The following ZEB1 variants were observed in gnomAD, a reference collection of about 807,000 sequenced individuals.
The protein encoded by ZEB1 is zinc finger E-box-binding homeobox 1.
In ZEB1, 21 loss-of-function variants were observed where a neutral mutation model predicts 84.9. The observed-to-expected ratio is 0.25, with a 90% CI of 0.18 to 0.36. ZEB1 has a LOEUF of 0.36. ZEB1 is among the 10% of genes least tolerant of loss of function. The probability of loss-of-function intolerance (pLI) is 1.00; values close to 1 mark genes in which losing one functional copy is unlikely to be tolerated. For synonymous variants in ZEB1, 420 were observed against 471.1 expected, an observed-to-expected ratio of 0.89 and a Z score of 1.41; for missense variants, 1,104 against 1,330.2, an observed-to-expected ratio of 0.83 and a Z score of 2.65.
chr10:31,462,613 A>G (rs941019587), intron 2 of ZEB1, among the ~76,000 whole-genome samples: 4 of 152,192 alleles, frequency 2.6e-5, no homozygotes, highest in African/African-American at 4.8e-5. Flanking sequence ...GGCAACATAC[A>G]TGAAGCCACA....
intron 1 of ZEB1, among the ~76,000 whole-genome samples, chr10:31,390,436 T>C (rs2049422693): frequency 6.6e-6 from 1 of 152,178 alleles, no homozygotes; most frequent in Non-Finnish European, 1.5e-5. Context: ...ATGGCAAGGA[T>C]TTAGTCCATA....
At chr10:31,326,236 T>C (rs1009787500) in intron 1 of ZEB1, among the ~76,000 whole-genome samples, 1 of 151,824 alleles carries the variant, frequency 6.6e-6, no homozygotes, top group Non-Finnish European at 1.5e-5. Context: ...CTTCAAGGAG[T>C]AGATTTTCTG....
intron 1 of ZEB1, among the ~76,000 whole-genome samples, chr10:31,426,967 A>AGAAAT (rs111281304): frequency 0.25 from 37,753 of 151,840 alleles, 10,436 homozygotes; most frequent in African/African-American, 0.69. Flanking sequence ...TTGTAGGAAA[A>AGAAAT]AATTTCTTCT....
At chr10:31,410,116 G>T (rs1054860529) in intron 1 of ZEB1, among the ~76,000 whole-genome samples, 2 of 152,194 alleles carry the variant, frequency 1.3e-5, no homozygotes, top group African/African-American at 4.8e-5. Context: ...TCTAGCTTTT[G>T]CCCATTCAGC....
intron 6 of ZEB1, among the ~76,000 whole-genome samples, chr10:31,517,693 C>A (rs1048649598): frequency 2.6e-5 from 4 of 151,990 alleles, no homozygotes; most frequent in African/African-American, 9.7e-5. Flanking sequence ...GTGACTTTGG[C>A]TTTAGAATAA....
At chr10:31,417,114 A>G (rs973225576) in intron 1 of ZEB1, among the ~76,000 whole-genome samples, 66 of 152,114 alleles carry the variant, frequency 4.3e-4, no homozygotes, top group African/African-American at 1.4e-3. Flanking sequence ...CAATATTTGT[A>G]TATTTTCCAT....
chr10:31,473,744 A>G (rs1387109943), intron 2 of ZEB1, among the ~76,000 whole-genome samples: 2 of 150,678 alleles, frequency 1.3e-5, no homozygotes, highest in African/African-American at 4.9e-5. Context: ...AAGAGCCTGC[A>G]TCGCCAAGTC....
intron 7 of ZEB1, among the ~76,000 whole-genome samples, chr10:31,523,162 C>T (rs766017321): frequency 1.3e-4 from 20 of 152,268 alleles, no homozygotes; most frequent in Non-Finnish European, 2.1e-4. Flanking sequence ...GAGGCAATGG[C>T]GTGGAACACT....
At chr10:31,359,557 T>C (rs1280964210) in intron 1 of ZEB1, among the ~76,000 whole-genome samples, 1 of 152,154 alleles carries the variant, frequency 6.6e-6, no homozygotes, top group African/African-American at 2.4e-5. Flanking sequence ...TTAAGAACCT[T>C]ATACCTTTTG....
intron 1 of ZEB1, among the ~76,000 whole-genome samples, chr10:31,364,333 C>G (rs996059415): frequency 1.3e-5 from 2 of 151,982 alleles, no homozygotes; most frequent in African/African-American, 4.8e-5. Flanking sequence ...CCTGGATGGG[C>G]CCCCCTGTGG....
rs2072254486 is a variant in ZEB1, at chr10:31,521,153, A to G, written c.1821A>G (p.Pro607=). ...CATATTATGCTTTGAATGCACAACC[A>G]AGTGCAGAAGAGCTCTCAAAAATTG... The part of the protein sequence containing the change: ...LKAYYALNAQ[P]SAEELSKIAD... Residue 607 remains proline, a synonymous_variant, in exon 7 of 9, where the codon CCA becomes CCG. Coordinates refer to ENST00000424869, the MANE Select transcript of ZEB1 (RefSeq NM_001174096.2). The G allele has an allele frequency of 1.2e-6, 2 of 1,613,964 alleles. No homozygotes were observed. Among genetic ancestry groups the G allele is most frequent in the African/African-American group, 1.3e-5 (1 of 74,918 alleles).
intron 1 of ZEB1, chr10:31,321,034 C>T (rs2132906499): frequency 3.3e-6 from 2 of 605,574 alleles, no homozygotes; most frequent in South Asian, 1.4e-4. Context: ...ATAAATGCGT[C>T]TATAATGGGA....
At chr10:31,514,955 T>C (rs897258759) in intron 6 of ZEB1, among the ~76,000 whole-genome samples, 1 of 152,072 alleles carries the variant, frequency 6.6e-6, no homozygotes, top group African/African-American at 2.4e-5. Flanking sequence ...TAGCATGTTT[T>C]AGTAAGTACA....
chr10:31,411,107 A>G (rs1475379665), intron 1 of ZEB1, among the ~76,000 whole-genome samples: 1 of 152,140 alleles, frequency 6.6e-6, no homozygotes, highest in Non-Finnish European at 1.5e-5. Flanking sequence ...AATCAACCAC[A>G]TAGTTGGAAG....
chr10:31,374,794 T>C (rs575750707), intron 1 of ZEB1: 1 of 151,942 alleles, frequency 6.6e-6, no homozygotes, highest in South Asian at 2.1e-4. Flanking sequence ...TGCTATTCTA[T>C]TTTCTTAGAT....
intron 1 of ZEB1, among the ~76,000 whole-genome samples, chr10:31,353,566 A>T (rs750538777): frequency 5.3e-5 from 8 of 152,230 alleles, no homozygotes; most frequent in Non-Finnish European, 1.0e-4. Context: ...TCAATTCCAG[A>T]ATTTGTTTAT....
chr10:31,465,700 A>G (rs984945959), intron 2 of ZEB1, among the ~76,000 whole-genome samples: 5 of 151,894 alleles, frequency 3.3e-5, no homozygotes, highest in Non-Finnish European at 7.4e-5. Context: ...TGTAACTTCA[A>G]CCTCCTGGAC....
At chr10:31,511,254 A>G (rs556267652) in intron 5 of ZEB1, among the ~76,000 whole-genome samples, 1 of 152,312 alleles carries the variant, frequency 6.6e-6, no homozygotes, top group South Asian at 2.1e-4. Flanking sequence ...TACTAACCAA[A>G]TTGACAAGAA....
At chr10:31,343,221 A>G (rs1225632081) in intron 1 of ZEB1, among the ~76,000 whole-genome samples, 5 of 152,142 alleles carry the variant, frequency 3.3e-5, no homozygotes, top group Non-Finnish European at 5.9e-5. Context: ...TATTCATTTT[A>G]GCACTAAACT....
Sources: allele counts gnomAD v4.1 joint callset (sites outside exome capture counted in the v4.1 genomes callset), GRCh38; gene constraint gnomAD v4.1.1; transcripts MANE v1.5; gene names NCBI Gene and HGNC (gene_info 2026-07-23, HGNC 2026-07-21).